IFT74: variants seen among roughly 807,000 people sequenced by gnomAD.
IFT74 encodes the protein intraflagellar transport 74.
A neutral mutation model predicts 96.7 loss-of-function variants in IFT74; 92 were observed. That is an observed-to-expected ratio of 0.95 (90% CI 0.80 to 1.13). The LOEUF (loss-of-function observed/expected upper bound fraction) is 1.13. IFT74 is among the 50% of genes most tolerant of loss of function. The pLI, the probability that IFT74 is intolerant of heterozygous loss-of-function variation, is 0.00. For synonymous variants in IFT74, 223 were observed against 213.2 expected, an observed-to-expected ratio of 1.05 and a Z score of -0.40; for missense variants, 811 against 698.2, an observed-to-expected ratio of 1.16 and a Z score of -1.82.
chr9:27,025,443 C>CAAAA (rs57335230), intron 12 of IFT74, among the ~76,000 whole-genome samples: 64 of 77,628 alleles, frequency 8.2e-4, no homozygotes, highest in East Asian at 3.8e-3. Flanking sequence ...ACTCCATCTC[C>CAAAA]AAAAAAAAAA....
intron 3 of IFT74, 64 bp downstream of exon 3, chr9:26,978,327 A>C: frequency 6.5e-7 from 1 of 1,528,720 alleles, no homozygotes; most frequent in Non-Finnish European, 8.8e-7. Context: ...ATAACTGTGA[A>C]CAATTTAAAA....
At chr9:27,042,820 C>T (rs922788279) in intron 13 of IFT74, among the ~76,000 whole-genome samples, 2 of 152,118 alleles carry the variant, frequency 1.3e-5, no homozygotes, top group Non-Finnish European at 2.9e-5. Flanking sequence ...GCTTTTCTGC[C>T]ACTTCACATG....
intron 7 of IFT74, among the ~76,000 whole-genome samples, chr9:26,989,783 C>A (rs1477155392): frequency 6.6e-6 from 1 of 151,980 alleles, no homozygotes; most frequent in Non-Finnish European, 1.5e-5. Flanking sequence ...AGGAATAAAA[C>A]TTGTGGTGGT....
intron 2 of IFT74, among the ~76,000 whole-genome samples, chr9:26,968,733 T>G (rs1826747105): frequency 6.6e-6 from 1 of 152,238 alleles, no homozygotes; most frequent in South Asian, 2.1e-4. Context: ...AATGATCCTT[T>G]GAGTTTCTGT....
chr9:27,005,749 A>C (rs950108584), intron 8 of IFT74: 6 of 151,988 alleles, frequency 3.9e-5, no homozygotes, highest in Middle Eastern at 3.2e-3. Context: ...CTTCCTTAGC[A>C]AAAGATTGAC....
intron 4 of IFT74, among the ~76,000 whole-genome samples, chr9:26,981,396 G>A (rs1318289099): frequency 6.6e-6 from 1 of 151,444 alleles, no homozygotes; most frequent in Non-Finnish European, 1.5e-5. Flanking sequence ...ATAGGCATAA[G>A]CTACCACCAC....
intron 13 of IFT74, among the ~76,000 whole-genome samples, chr9:27,031,088 T>C (rs1228051791): frequency 1.3e-5 from 2 of 152,206 alleles, no homozygotes; most frequent in African/African-American, 2.4e-5. Flanking sequence ...CTTGAACTCC[T>C]GGGCTCAAGC....
intron 8 of IFT74, among the ~76,000 whole-genome samples, chr9:27,008,508 G>A (rs369664391): frequency 2.0e-5 from 3 of 152,004 alleles, no homozygotes; most frequent in Non-Finnish European, 4.4e-5. Context: ...ACAGGTGCCC[G>A]CCACCACGTG....
At chr9:26,979,264 C>A (rs1487298942) in intron 3 of IFT74, among the ~76,000 whole-genome samples, 3 of 151,576 alleles carry the variant, frequency 2.0e-5, no homozygotes, top group Non-Finnish European at 4.4e-5. Flanking sequence ...ATTATCAGTA[C>A]CATGAAAAAA....
rs369348157 is a variant in IFT74 at position 26,990,124 on chromosome 9, C to T, written c.526-10C>T. On this transcript the variant is annotated splice_polypyrimidine_tract_variant and intron_variant, in intron 7 of 19. Coordinates refer to ENST00000380062, the MANE Select transcript of IFT74 (RefSeq NM_025103.4). ...TATTTCTTACTAACTTATGTGTTAA[C>T]TTTATTCAGCTTAAAGCTCAAAATG... is the stretch of plus-strand genomic sequence containing the variant. The T allele has an allele frequency of 8.1e-6, 12 of 1,484,000 alleles. No homozygotes were observed. The highest frequency in any genetic ancestry group is 1.8e-4 in the Middle Eastern group (1 of 5,702). 91.9% of individuals were successfully genotyped at this position (1,484,000 alleles called of 1,614,324 possible). A position where few individuals can be genotyped will look rare whatever the true frequency, so the allele number is the denominator to read the frequency against.
rs185714225 is a variant in IFT74 at position 27,000,506 on chromosome 9, T to C, written c.588-8514T>C. Among the ~76,000 whole-genome samples, 197 of 152,322 alleles carry C rather than the reference T, an allele frequency of 1.3e-3. 1 individual carries two copies. The highest frequency in any genetic ancestry group is 5.6e-3 in the South Asian group (27 of 4,824). ...CCCCCCATGGTAACTTTTAAAAATT[T>C]TATTGAGGCGTGGTAGATATACATA... is the stretch of plus-strand genomic sequence containing the variant. On this transcript the variant is annotated intron_variant, in intron 8 of 19. Transcript: ENST00000380062.
intron 15 of IFT74, 23 bp from the exon 16 acceptor site, chr9:27,048,124 AT>A: frequency 6.6e-7 from 1 of 1,518,174 alleles, no homozygotes. Flanking sequence ...ATTTTTTTCT[AT>A]TTTTATTTCT....
chr9:26,981,890 C>T (rs1345267382), intron 4 of IFT74, among the ~76,000 whole-genome samples: 3 of 151,766 alleles, frequency 2.0e-5, no homozygotes, highest in Admixed American at 6.6e-5. Context: ...GCCTCAGCCT[C>T]GTGAGTAGCT....
At chr9:26,974,049 G>A (rs1400265142) in intron 2 of IFT74, among the ~76,000 whole-genome samples, 1 of 151,948 alleles carries the variant, frequency 6.6e-6, no homozygotes, top group Admixed American at 6.6e-5. Context: ...CTTTGACTTT[G>A]CTCCCCCACA....
chr9:27,046,343 G>A (rs10967680), intron 14 of IFT74, among the ~76,000 whole-genome samples: 37,485 of 151,980 alleles, frequency 0.25, 5,690 homozygotes, highest in East Asian at 0.7. Context: ...TAAAAAATAT[G>A]CTAAATATAA....
At chr9:27,060,687 G>A (rs760244303) in intron 19 of IFT74, 36 bp downstream of exon 19, 41 of 1,496,024 alleles carry the variant, frequency 2.7e-5, no homozygotes, top group African/African-American at 5.5e-5. Context: ...GGCCGGGTGC[G>A]GTGGCTCATG....
intron 2 of IFT74, among the ~76,000 whole-genome samples, chr9:26,963,117 C>T (rs1484991704): frequency 6.6e-6 from 1 of 152,004 alleles, no homozygotes; most frequent in Non-Finnish European, 1.5e-5. Flanking sequence ...TCTCCCCGCA[C>T]CCCACAACAG....
chr9:27,048,378 T>G (rs922226317), intron 16 of IFT74, 104 bp downstream of exon 16: 1 of 725,730 alleles, frequency 1.4e-6, no homozygotes, highest in Non-Finnish European at 2.1e-6. Flanking sequence ...AATTTATGAT[T>G]GCCTATTGCC....
chr9:26,961,194 C>T (rs1244674136), intron 1 of IFT74, among the ~76,000 whole-genome samples: 2 of 151,078 alleles, frequency 1.3e-5, no homozygotes, highest in Admixed American at 6.6e-5. Context: ...AGGTTCATGC[C>T]GTTCTCCTGC....
Sources: allele counts gnomAD v4.1 joint callset (sites outside exome capture counted in the v4.1 genomes callset), GRCh38; gene constraint gnomAD v4.1.1; transcripts MANE v1.5; gene names NCBI Gene and HGNC (gene_info 2026-07-23, HGNC 2026-07-21).